The following ROBO1 variants were observed in gnomAD, a reference collection of about 807,000 sequenced individuals.
ROBO1 encodes the protein roundabout homolog 1.
Under a neutral mutation model 195.9 loss-of-function variants are expected in ROBO1, and 149 were observed. The observed-to-expected ratio is 0.76, with a 90% CI of 0.67 to 0.87. The LOEUF is 0.87. ROBO1 is among the 40% of genes least tolerant of loss of function. The pLI is 0.00. For missense variants in ROBO1, 1,933 were observed against 2,068.3 expected (o/e 0.93, Z 1.27); for synonymous variants, 816 against 733.2 (o/e 1.11, Z -1.82).
chr3:78,829,770 G>T (rs574126866), intron 4 of ROBO1, among the ~76,000 whole-genome samples: 22 of 152,152 alleles, frequency 1.4e-4, no homozygotes, highest in Non-Finnish European at 3.1e-4. Flanking sequence ...CTTACAAAGA[G>T]AAATACTGGT....
At chr3:79,210,484 G>T (rs2081949471) in intron 2 of ROBO1, among the ~76,000 whole-genome samples, 1 of 152,098 alleles carries the variant, frequency 6.6e-6, no homozygotes, top group Non-Finnish European at 1.5e-5. Context: ...TTTTTCTAAG[G>T]TACCTTATAT....
At chr3:79,045,685 G>T (rs183920051) in intron 3 of ROBO1, among the ~76,000 whole-genome samples, 5 of 151,740 alleles carry the variant, frequency 3.3e-5, no homozygotes, top group Non-Finnish European at 7.4e-5. Context: ...GGAACTAGAC[G>T]GTGCCCTACA....
chr3:79,475,995 G>T (rs1441819747), intron 2 of ROBO1, among the ~76,000 whole-genome samples: 1 of 151,912 alleles, frequency 6.6e-6, no homozygotes, highest in African/African-American at 2.4e-5. Flanking sequence ...GAGTTAAAAT[G>T]ATATTAAAAA....
intron 2 of ROBO1, among the ~76,000 whole-genome samples, chr3:79,534,606 T>C (rs1201357316): frequency 1.3e-5 from 2 of 152,148 alleles, no homozygotes; most frequent in Non-Finnish European, 2.9e-5. Flanking sequence ...AGGTAAGAAA[T>C]CTTAATCATT....
intron 1 of ROBO1, among the ~76,000 whole-genome samples, chr3:79,643,536 C>T (rs1945729752): frequency 6.6e-6 from 1 of 151,918 alleles, no homozygotes; most frequent in Non-Finnish European, 1.5e-5. Context: ...TAGACAATAC[C>T]AAGTCAAAAT....
chr3:78,705,044 C>A (rs2081517491), intron 8 of ROBO1, among the ~76,000 whole-genome samples: 2 of 152,084 alleles, frequency 1.3e-5, no homozygotes, highest in African/African-American at 4.8e-5. Context: ...TGTTTATATT[C>A]AGTTAATTCA....
At chr3:79,295,233 T>C (rs780204150) in intron 2 of ROBO1, among the ~76,000 whole-genome samples, 25 of 152,080 alleles carry the variant, frequency 1.6e-4, no homozygotes, top group Non-Finnish European at 3.4e-4. Context: ...GTAAAGAAAA[T>C]GTGGCATATA....
intron 22 of ROBO1, 95 bp from the exon 23 acceptor site, chr3:78,636,203 G>A (rs762730604): frequency 3.1e-5 from 26 of 830,944 alleles, no homozygotes; most frequent in Non-Finnish European, 4.2e-5. Context: ...TCAGAAAATC[G>A]TTATGTAAAG....
chr3:79,708,857 T>C (rs1206417815), intron 1 of ROBO1, among the ~76,000 whole-genome samples: 1 of 152,058 alleles, frequency 6.6e-6, no homozygotes, highest in East Asian at 1.9e-4. Flanking sequence ...ACAGAGCGAG[T>C]CCTTGTCTCA....
At chr3:79,493,717 G>T (rs1482657553) in intron 2 of ROBO1, among the ~76,000 whole-genome samples, 2 of 150,992 alleles carry the variant, frequency 1.3e-5, no homozygotes, top group Non-Finnish European at 3.0e-5. Context: ...AATTTTTATG[G>T]GTACACATTA....
intron 4 of ROBO1, among the ~76,000 whole-genome samples, chr3:78,754,743 A>G (rs1255917796): frequency 6.6e-6 from 1 of 152,194 alleles, no homozygotes; most frequent in Non-Finnish European, 1.5e-5. Flanking sequence ...ATATACAACT[A>G]TAATTGTGAT....
chr3:78,998,791 C>A (rs779042505), intron 3 of ROBO1, among the ~76,000 whole-genome samples: 1 of 152,040 alleles, frequency 6.6e-6, no homozygotes, highest in Non-Finnish European at 1.5e-5. Flanking sequence ...ATAGCCTAAT[C>A]CAACTTCCAT....
At chr3:78,986,438 A>G (rs1336130696) in intron 3 of ROBO1, among the ~76,000 whole-genome samples, 1 of 150,738 alleles carries the variant, frequency 6.6e-6, no homozygotes, top group Non-Finnish European at 1.5e-5. Flanking sequence ...AGTCAACCAT[A>G]CTGGCCAAAT....
At chr3:78,936,818 T>C (rs961425663) in intron 4 of ROBO1, among the ~76,000 whole-genome samples, 2 of 152,036 alleles carry the variant, frequency 1.3e-5, no homozygotes, top group African/African-American at 4.8e-5. Flanking sequence ...GTCGAACATT[T>C]AAACTTATTT....
intron 2 of ROBO1, among the ~76,000 whole-genome samples, chr3:79,583,820 G>A (rs1468749257): frequency 2.0e-5 from 3 of 151,942 alleles, no homozygotes; most frequent in African/African-American, 7.2e-5. Context: ...AATTGCATGT[G>A]CACATAGCTG....
At chr3:79,569,624 G>A (rs1009470865) in intron 2 of ROBO1, among the ~76,000 whole-genome samples, 1 of 151,000 alleles carries the variant, frequency 6.6e-6, no homozygotes, top group Non-Finnish European at 1.5e-5. Flanking sequence ...CCAATGCACC[G>A]GAATGATTAT....
chr3:78,889,635 A>G (rs1007315373), intron 4 of ROBO1, among the ~76,000 whole-genome samples: 2 of 147,816 alleles, frequency 1.4e-5, no homozygotes, highest in African/African-American at 5.0e-5. Flanking sequence ...TGGGGTTTTG[A>G]TTCCTGCTTG....
rs1043638767 is a variant in ROBO1 at position 78,714,303 on chromosome 3, T to G, written c.1045+94A>C. ...TTTAGAGCAATACTTAAAGTCTATA[T>G]GTAACATAGCCCTATACATAATATT... On this transcript the variant is annotated intron_variant, in intron 8 of 30. Transcript: ENST00000464233. 4.0e-6 allele frequency: 5 copies of G among 1,244,810 alleles called. No homozygotes were observed. The African/African-American group carries it at 7.6e-5, about 19-fold the overall frequency. The allele number at this position is 1,244,810 out of a possible 1,614,324, so 77.1% of individuals were successfully genotyped here.
chr3:79,478,849 A>AT (rs1444576900), intron 2 of ROBO1, among the ~76,000 whole-genome samples: 4 of 152,128 alleles, frequency 2.6e-5, no homozygotes, highest in South Asian at 2.1e-4. Context: ...GAAACTTGAG[A>AT]TTTTTTAACT....
Sources: allele counts gnomAD v4.1 joint callset (sites outside exome capture counted in the v4.1 genomes callset), GRCh38; gene constraint gnomAD v4.1.1; transcripts MANE v1.5; gene names NCBI Gene and HGNC (gene_info 2026-07-23, HGNC 2026-07-21).